The following ZHX3 variants were observed in gnomAD, a reference collection of about 807,000 sequenced individuals.
The protein encoded by ZHX3 is zinc fingers and homeoboxes 3, also known as zinc fingers and homeoboxes protein 3.
In ZHX3, 20 loss-of-function variants were observed where a neutral mutation model predicts 64.5. The observed-to-expected ratio is 0.31, with a 90% CI of 0.22 to 0.45. ZHX3 has a LOEUF of 0.45. Ranked by LOEUF, ZHX3 falls within the 20% of genes least tolerant of loss-of-function variation. ZHX3 has a pLI of 1.00. For missense variants in ZHX3, 1,041 were observed against 1,195.8 expected, an observed-to-expected ratio of 0.87 and a Z score of 1.91; for synonymous variants, 423 against 461.6, an observed-to-expected ratio of 0.92 and a Z score of 1.07.
intron 1 of ZHX3, among the ~76,000 whole-genome samples, chr20:41,277,465 C>T (rs745584159): frequency 5.3e-5 from 8 of 152,140 alleles, no homozygotes; most frequent in Admixed American, 1.3e-4. Flanking sequence ...CTCAAATATA[C>T]CTCTTTAAAC....
chr20:41,255,953 C>G (rs2042229114), intron 2 of ZHX3, among the ~76,000 whole-genome samples: 1 of 152,102 alleles, frequency 6.6e-6, no homozygotes. Flanking sequence ...AACATCACAG[C>G]CTGAAAGAAG....
chr20:41,240,116 C>G (rs1375357277), intron 2 of ZHX3, among the ~76,000 whole-genome samples: 3 of 152,160 alleles, frequency 2.0e-5, no homozygotes, highest in Admixed American at 2.0e-4. Context: ...CCTGCCTCAG[C>G]CTTCCAAGTA....
Position 41,202,149 on chromosome 20 carries a change from A to G in ZHX3, c.2768T>C (p.Val923Ala). ...HKGMGDTYSE[V>A]SENSESWEPR... is the part of the protein sequence containing the mutation. Reference sequence around the variant, plus strand: ...CTCCCACGACTCACTGTTCTCAGACACCTCTGAATAGGTGTCACCCATCCC... The same window carrying G: ...CTCCCACGACTCACTGTTCTCAGACGCCTCTGAATAGGTGTCACCCATCCC... Residue 923 changes from valine (V) to alanine (A), a missense_variant, in exon 3 of 4, where the codon GTG (valine) becomes GCG (alanine). Physicochemically the swap from Val to Ala is moderately conservative, Grantham distance 64. Transcript: ENST00000683867. The surrounding 1 kb of genome is among the most constrained non-coding windows in gnomAD (Gnocchi z 7.0). The G allele has an allele frequency of 1.2e-6, 2 of 1,613,988 alleles. No homozygotes were observed. The highest frequency in any genetic ancestry group is 1.7e-6 in the Non-Finnish European group (2 of 1,179,958).
chr20:41,211,468 C>T (rs2039153620), intron 2 of ZHX3, among the ~76,000 whole-genome samples: 1 of 152,082 alleles, frequency 6.6e-6, no homozygotes, highest in South Asian at 2.1e-4. Context: ...TTTGAACTGG[C>T]ATGCACACTT....
intron 1 of ZHX3, among the ~76,000 whole-genome samples, chr20:41,300,996 C>T (rs531598302): frequency 1.1e-4 from 16 of 152,274 alleles, no homozygotes; most frequent in African/African-American, 1.7e-4. Context: ...CACAAAGGGC[C>T]TAAGGTGCCC....
At chr20:41,270,253 G>A (rs572700947) in intron 1 of ZHX3, among the ~76,000 whole-genome samples, 3 of 150,972 alleles carry the variant, frequency 2.0e-5, no homozygotes, top group Admixed American at 1.3e-4. Context: ...GGTGGTGTGC[G>A]CCTGTAATCC....
chr20:41,204,604 T>C lies in ZHX3; in HGVS notation c.313A>G (p.Lys105Glu). ...CCACTGCATACAAAGGTTGGGTCTT[T>C]ATTAAAGTCTGTGTGCTCTGAGTTC... ...HMNSEHTDFN[K>E]DPTFVCSGCS... The change falls in exon 3 of 4, where the codon AAA becomes GAA. Residue 105 changes from lysine (K) to glutamate (E), a missense_variant. By Grantham distance (56) the Lys-to-Glu change is moderately conservative. Around this residue, in one of 4 missense-constraint regions of ZHX3, gnomAD observed 358 missense variants for 369.1 expected, o/e 0.97. Transcript: ENST00000683867. The surrounding 1 kb of genome is among the most constrained non-coding windows in gnomAD (Gnocchi z 6.6). The C allele has an allele frequency of 6.2e-7, 1 of 1,614,234 alleles. No individual in the cohort carries two copies. Among genetic ancestry groups the C allele is most frequent in the Non-Finnish European group, 8.5e-7 (1 of 1,180,034 alleles).
chr20:41,184,940 G>A lies in ZHX3; in HGVS notation c.*251C>T, dbSNP rs1214617987. On this transcript the variant is annotated 3_prime_UTR_variant, in exon 4 of 4. Coordinates refer to ENST00000683867, the MANE Select transcript of ZHX3 (RefSeq NM_001384317.1). ...TCTGAACTATTTTATCCATTGGAAG[G>A]TAAAGGAAAGGTCCTACATTGTGGG... 11 of 1,542,962 alleles carry A rather than the reference G, an allele frequency of 7.1e-6. No individual in the cohort carries two copies. In the East Asian group the frequency reaches 2.4e-4, roughly 34 times the overall value.
chr20:41,274,802 T>C (rs534904142), intron 1 of ZHX3, among the ~76,000 whole-genome samples: 1 of 152,206 alleles, frequency 6.6e-6, no homozygotes, highest in South Asian at 2.1e-4. Context: ...CTCCTGTCAA[T>C]GTATAAGCTA....
Position 41,209,094 on chromosome 20 carries a change from G to C in ZHX3, c.-150-4028C>G, listed in dbSNP as rs1271610039. Among the ~76,000 whole-genome samples, 7 of 152,302 alleles carry C rather than the reference G, an allele frequency of 4.6e-5. No individual in the cohort carries two copies. In the East Asian group the frequency reaches 5.8e-4, roughly 13 times the overall value. ...CATGAGTGAACTCCCATTCACGATT[G>C]CTTCAAAGAGAATAAAATACCTAGG... On this transcript the variant is annotated intron_variant, in intron 2 of 3. Transcript: ENST00000683867.
intron 1 of ZHX3, among the ~76,000 whole-genome samples, chr20:41,282,246 A>AATC (rs2043712641): frequency 6.6e-6 from 1 of 152,130 alleles, no homozygotes; most frequent in African/African-American, 2.4e-5. Context: ...TGCCAAAGGC[A>AATC]ATCACTTAAC....
At chr20:41,196,567 A>ATATTATATAT (rs2037709506) in intron 3 of ZHX3, 3 of 77,930 alleles carry the variant, frequency 3.8e-5, no homozygotes, top group African/African-American at 1.5e-4. Flanking sequence ...TATATATAAT[A>ATATTATATAT]TATATAAAAA....
In ZHX3 at chr20:41,213,026, G is replaced by A. The variant is rs558257210; in HGVS notation, c.-150-7960C>T. On this transcript the variant is annotated intron_variant, in intron 2 of 3. Transcript: ENST00000683867. ...ATATATCCATACGATGAATTCTTCA[G>A]CCATGAAAAGGAATGAAGTTCTGAT... 1.4e-4 allele frequency among the ~76,000 whole-genome samples: 22 copies of A among 152,314 alleles called. No homozygotes were observed. In the South Asian group the frequency reaches 1.9e-3, roughly 13 times the overall value.
chr20:41,316,130 G>T (rs1024316105), intron 1 of ZHX3, among the ~76,000 whole-genome samples: 1 of 151,918 alleles, frequency 6.6e-6, no homozygotes, highest in Non-Finnish European at 1.5e-5. Flanking sequence ...CACAAATCAA[G>T]CCCCGCTCAA....
intron 2 of ZHX3, among the ~76,000 whole-genome samples, chr20:41,207,443 AG>A (rs2038810430): frequency 6.6e-6 from 1 of 152,200 alleles, no homozygotes; most frequent in African/African-American, 2.4e-5. Context: ...CATAGTTGGA[AG>A]TAAAGCACTC....
intron 1 of ZHX3, among the ~76,000 whole-genome samples, chr20:41,310,540 A>T (rs2045100652): frequency 6.6e-6 from 1 of 151,928 alleles, no homozygotes; most frequent in Non-Finnish European, 1.5e-5. Flanking sequence ...TTTGAAATAA[A>T]CTCCCTGGTG....
chr20:41,297,007 G>A (rs1325065709), intron 1 of ZHX3, among the ~76,000 whole-genome samples: 1 of 152,218 alleles, frequency 6.6e-6, no homozygotes, highest in Non-Finnish European at 1.5e-5. Flanking sequence ...TATCCCTTAT[G>A]GTTTTCTCTA....
intron 2 of ZHX3, among the ~76,000 whole-genome samples, chr20:41,235,697 T>C (rs2040931375): frequency 6.6e-6 from 1 of 152,188 alleles, no homozygotes; most frequent in Non-Finnish European, 1.5e-5. Flanking sequence ...AGCATTCCCT[T>C]TGAAAACTGG....
intron 2 of ZHX3, among the ~76,000 whole-genome samples, chr20:41,254,866 A>G (rs570093425): frequency 1.3e-5 from 2 of 152,272 alleles, no homozygotes; most frequent in African/African-American, 4.8e-5. Flanking sequence ...CAAGAAAGCA[A>G]CGTCAACAGA....
Sources: gnomAD v4.1 joint callset for allele counts (sites outside exome capture counted in the v4.1 genomes callset) on GRCh38, gnomAD v4.1.1 for gene constraint, gnomAD v4.1.1 regional missense constraint, Gnocchi (gnomAD v3.1) non-coding constraint, MANE v1.5 for transcripts, NCBI Gene and HGNC (gene_info 2026-07-23, HGNC 2026-07-21) for gene names.